Variants in TUBAL3 observed in about 807,000 individuals in gnomAD.
The protein encoded by TUBAL3 is tubulin alpha chain-like 3.
In TUBAL3, 16 loss-of-function variants were observed where a neutral mutation model predicts 15.5. The observed-to-expected ratio is 1.04, with a 90% CI of 0.70 to 1.57. The LOEUF is 1.57. Among genes scored for constraint, TUBAL3 ranks in the 40% most tolerant of loss-of-function variants. The pLI is 0.00. For synonymous variants in TUBAL3, 238 were observed against 224.3 expected (o/e 1.06, Z -0.55); for missense variants, 609 against 576.2 (o/e 1.06, Z -0.58).
rs111864653 is a variant in TUBAL3, at chr10:5,395,463, G to T, written c.260C>A (p.Thr87Lys). The T allele has an allele frequency of 1.3e-6, 2 of 1,537,382 alleles. No individual in the cohort carries two copies. Among genetic ancestry groups the T allele is most frequent in the African/African-American group, 2.8e-5 (2 of 72,262 alleles). The change falls in exon 3 of 4, where the codon ACG becomes AAG. Residue 87 changes from threonine (T) to lysine (K), a missense_variant. Transcript: ENST00000380419. The surrounding 1 kb of genome is among the most constrained non-coding windows in gnomAD (Gnocchi z 4.6). ...GTGGAAGAGTGAACGGTGCTGGCCC[G>T]TCCGGATCCCATCTGCAGAGGGTGA... Reference protein sequence around the residue: ...LEPTVIDGIRTGQHRSLFHPE... With the variant: ...LEPTVIDGIRKGQHRSLFHPE...
chr10:5,400,784 C>G, intron 2 of TUBAL3, 60 bp downstream of exon 2: 3 of 1,601,470 alleles, frequency 1.9e-6, no homozygotes. Context: ...TAATCCCATC[C>G]ACTTGATTTG....
Position 5,394,442 on chromosome 10 carries a change from A to G in TUBAL3, c.416T>C (p.Leu139Pro). Reference protein sequence around the residue: ...TRKLAEQCGGLQGFLIFRSFG... With the variant: ...TRKLAEQCGGPQGFLIFRSFG... ...GCTTCGGAAAATCAAAAATCCCTGA[A>G]GTCCACCACACTGTTCTGCCTGGAG... The change falls in exon 4 of 4, where the codon CTT becomes CCT. Residue 139 changes from leucine to proline, a missense_variant. Transcript: ENST00000380419. The surrounding 1 kb of genome is among the most constrained non-coding windows in gnomAD (Gnocchi z 4.3). The G allele has an allele frequency of 6.2e-7, 1 of 1,610,440 alleles. No individual in the cohort carries two copies. Among genetic ancestry groups the G allele is most frequent in the Non-Finnish European group, 8.5e-7 (1 of 1,178,364 alleles).
Position 5,394,991 on chromosome 10 carries a change from A to G in TUBAL3, c.396+336T>C, listed in dbSNP as rs1229741219. ...CTTGCTAACTTCATAAACATCAGTT[A>G]CTCTTGGAAAATGACAGGTTACTCT... On this transcript the variant is annotated intron_variant, in intron 3 of 3. Coordinates refer to ENST00000380419, the MANE Select transcript of TUBAL3 (RefSeq NM_024803.3). The surrounding 1 kb of genome is among the most constrained non-coding windows in gnomAD (Gnocchi z 4.3). Among the ~76,000 whole-genome samples, 2 of 152,108 alleles carry G rather than the reference A, an allele frequency of 1.3e-5. No homozygotes were observed. Among genetic ancestry groups the G allele is most frequent in the Admixed American group, 1.3e-4 (2 of 15,280 alleles).
rs1831788897 is a variant in TUBAL3 at position 5,397,957 on chromosome 10, C to T, written c.248-2482G>A. 1.3e-5 allele frequency among the ~76,000 whole-genome samples: 2 copies of T among 152,154 alleles called. No homozygotes were observed. The highest frequency in any genetic ancestry group is 4.8e-5 in the African/African-American group (2 of 41,424). ...TGGTTACACTTGCGGGGCATTCCTT[C>T]ATGACTCTGAATTTGCAAATGCTGT... On this transcript the variant is annotated intron_variant, in intron 2 of 3. Transcript: ENST00000380419. This position sits in a 1 kb window ranked among gnomAD's most constrained non-coding sequence, Gnocchi z 4.9.
In TUBAL3 at chr10:5,397,961, ACT is replaced by A. The variant is rs1467929128; in HGVS notation, c.248-2488_248-2487del. Among the ~76,000 whole-genome samples, 5 of 151,772 alleles carry A rather than the reference ACT, an allele frequency of 3.3e-5. No individual in the cohort carries two copies. The highest frequency in any genetic ancestry group is 1.2e-4 in the African/African-American group (5 of 41,344). On this transcript the variant is annotated intron_variant, in intron 2 of 3. Transcript: ENST00000380419. This position sits in a 1 kb window ranked among gnomAD's most constrained non-coding sequence, Gnocchi z 4.9. ...TACACTTGCGGGGCATTCCTTCATG[ACT>A]CTGAATTTGCAAATGCTGTCACCTC...
In TUBAL3 at chr10:5,395,419, C is replaced by G. The variant is rs150216035; in HGVS notation, c.304G>C (p.Gly102Arg). The change falls in exon 3 of 4, where the codon GGA (glycine) becomes CGA (arginine). Residue 102 changes from glycine to arginine, a missense_variant. Coordinates refer to ENST00000380419, the MANE Select transcript of TUBAL3 (RefSeq NM_024803.3). The surrounding 1 kb of genome is among the most constrained non-coding windows in gnomAD (Gnocchi z 4.6). The part of the protein sequence containing the change: ...SLFHPEQLLS[G>R]KEDAANNYAR... ...TAATTGTTAGCAGCATCCTCCTTTC[C>G]GCTAAGGAGCTGCTCGGGGTGGAAG... The G allele has an allele frequency of 6.2e-7, 1 of 1,605,640 alleles. No homozygotes were observed. Among genetic ancestry groups the G allele is most frequent in the African/African-American group, 1.3e-5 (1 of 74,666 alleles).
rs1554814200 is a variant in TUBAL3 at position 5,396,886 on chromosome 10, T to C, written c.248-1411A>G. Among the ~76,000 whole-genome samples the C allele has an allele frequency of 6.6e-6, 1 of 152,224 alleles. No individual in the cohort carries two copies. The highest frequency in any genetic ancestry group is 2.4e-5 in the African/African-American group (1 of 41,454). On this transcript the variant is annotated intron_variant, in intron 2 of 3. Coordinates refer to ENST00000380419, the MANE Select transcript of TUBAL3 (RefSeq NM_024803.3). The surrounding 1 kb of genome is among the most constrained non-coding windows in gnomAD (Gnocchi z 5.1). ...ATTGCTTAGTAGTTAAATGCATGTT[T>C]CAAGAATCAGTTTCCTGGGTTCCTA...
Position 5,393,995 on chromosome 10 carries a change from G to C in TUBAL3, c.863C>G (p.Ala288Gly), listed in dbSNP as rs1554813804. The C allele has an allele frequency of 1.2e-6, 2 of 1,614,182 alleles. No individual in the cohort carries two copies. The highest frequency in any genetic ancestry group is 1.3e-5 in the African/African-American group (1 of 75,028). ...AFAPIVSADK[A>G]YHEQFSVSDI... is the part of the protein sequence containing the mutation. ...TGACACAGAGAACTGCTCATGGTAG[G>C]CTTTGTCAGCAGAGACGATGGGGGC... The change falls in exon 4 of 4, where the codon GCC becomes GGC. Residue 288 changes from alanine to glycine, a missense_variant. Coordinates refer to ENST00000380419, the MANE Select transcript of TUBAL3 (RefSeq NM_024803.3).
In TUBAL3 at chr10:5,395,190, G is replaced by C. The variant is rs781831530; in HGVS notation, c.396+137C>G. On this transcript the variant is annotated intron_variant, in intron 3 of 3. Coordinates refer to ENST00000380419, the MANE Select transcript of TUBAL3 (RefSeq NM_024803.3). This position sits in a 1 kb window ranked among gnomAD's most constrained non-coding sequence, Gnocchi z 4.6. Reference sequence around the variant, plus strand: ...AAGCCAAGATGAGAACCCCTCCCCAGTTCTGAGCACCCAGACCAGAGCCCA... The same window carrying C: ...AAGCCAAGATGAGAACCCCTCCCCACTTCTGAGCACCCAGACCAGAGCCCA... 14 of 953,558 alleles carry C rather than the reference G, an allele frequency of 1.5e-5. No individual in the cohort carries two copies. In the African/African-American group the frequency reaches 2.2e-4, roughly 15 times the overall value. 59.1% of individuals were successfully genotyped at this position (953,558 alleles called of 1,614,324 possible). A position where few individuals can be genotyped will look rare whatever the true frequency, so the allele number is the denominator to read the frequency against.
intron 1 of TUBAL3, among the ~76,000 whole-genome samples, chr10:5,402,028 T>C (rs916753475): frequency 6.6e-6 from 1 of 152,082 alleles, no homozygotes; most frequent in African/African-American, 2.4e-5. Context: ...TGATAACATA[T>C]TAAGTAAAAA....
chr10:5,402,415 G>A (rs1831868814), intron 1 of TUBAL3, among the ~76,000 whole-genome samples: 1 of 152,230 alleles, frequency 6.6e-6, no homozygotes, highest in Non-Finnish European at 1.5e-5. Flanking sequence ...AGAGGGTCTT[G>A]TAGAATGAGA....
Position 5,394,099 on chromosome 10 carries a change from C to T in TUBAL3, c.759G>A (p.Gly253=), listed in dbSNP as rs1554813822. ...SSITASLRFE[G]PLNVDLIEFQ... ...ATTCAATTAGGTCTACATTCAAGGG[C>T]CCTTCAAACCGGAGGGAGGCAGTGA... Residue 253 remains glycine (G), a synonymous_variant, in exon 4 of 4, where the codon GGG becomes GGA. Transcript: ENST00000380419. The surrounding 1 kb of genome is among the most constrained non-coding windows in gnomAD (Gnocchi z 4.3). 3 of 1,614,176 alleles carry T rather than the reference C, an allele frequency of 1.9e-6. No homozygotes were observed. The highest frequency in any genetic ancestry group is 3.3e-5 in the Admixed American group (2 of 60,016).
chr10:5,403,849 G>A (rs186503063), intron 1 of TUBAL3, among the ~76,000 whole-genome samples: 7 of 152,256 alleles, frequency 4.6e-5, no homozygotes, highest in Middle Eastern at 3.4e-3. Context: ...ATTATTAAAC[G>A]CTGCTATAAG....
In TUBAL3 at chr10:5,393,580, C is replaced by T; in HGVS notation, c.1278G>A (p.Leu426=). ...GGGCTGCCAGATCTTCCCTGGCCTC[C>T]AAGAACTCTGCTTCTTCCATGCCTT... is the stretch of plus-strand genomic sequence containing the variant. ...LREGMEEAEF[L]EAREDLAALE... The change falls in exon 4 of 4, where the codon TTG becomes TTA. Residue 426 remains leucine, a synonymous_variant. Coordinates refer to ENST00000380419, the MANE Select transcript of TUBAL3 (RefSeq NM_024803.3). 1 of 1,614,156 alleles carries T rather than the reference C, an allele frequency of 6.2e-7. No homozygotes were observed. Among genetic ancestry groups the T allele is most frequent in the Non-Finnish European group, 8.5e-7 (1 of 1,180,012 alleles).
rs1554814572 is a variant in TUBAL3 at position 5,400,911 on chromosome 10, G to A, written c.180C>T (p.Phe60=). The stretch of plus-strand genomic sequence containing the variant: ...CATGCTTCCCAGCTCTTGTCTCACA[G>A]AAGAAGGTATCGAAAGATGCATTTG... ...EHTNASFDTF[F]CETRAGKHVP... is the part of the protein sequence containing the mutation. The change falls in exon 2 of 4, where the codon TTC becomes TTT. Residue 60 remains phenylalanine (F), a synonymous_variant. Coordinates refer to ENST00000380419, the MANE Select transcript of TUBAL3 (RefSeq NM_024803.3). 1 of 1,614,122 alleles carries A rather than the reference G, an allele frequency of 6.2e-7. No individual in the cohort carries two copies. Among genetic ancestry groups the A allele is most frequent in the African/African-American group, 1.3e-5 (1 of 74,940 alleles).
In TUBAL3 at chr10:5,395,573, A is replaced by C; in HGVS notation, c.248-98T>G. 3 of 1,252,030 alleles carry C rather than the reference A, an allele frequency of 2.4e-6. No homozygotes were observed. The highest frequency in any genetic ancestry group is 3.1e-6 in the Non-Finnish European group (3 of 952,656). The allele number at this position is 1,252,030 out of a possible 1,614,324, so 77.6% of individuals were successfully genotyped here. A position where few individuals can be genotyped will look rare whatever the true frequency, so the allele number is the denominator to read the frequency against. On this transcript the variant is annotated intron_variant, in intron 2 of 3. Coordinates refer to ENST00000380419, the MANE Select transcript of TUBAL3 (RefSeq NM_024803.3). This position sits in a 1 kb window ranked among gnomAD's most constrained non-coding sequence, Gnocchi z 4.6. ...TGGAGCCTCCCCGTACTTGACTCCC[A>C]TGCTTTCTCTCAATATTGTGGTCCA...
At chr10:5,404,639 T>A in intron 1 of TUBAL3, 151 bp downstream of exon 1, 1 of 763,698 alleles carries the variant, frequency 1.3e-6, no homozygotes, top group Non-Finnish European at 2.2e-6. Flanking sequence ...TGCTCCCAAC[T>A]CATCTACTTG....
Position 5,395,459 on chromosome 10 carries a change from G to A in TUBAL3, c.264C>T (p.Gly88=). Residue 88 remains glycine (G), a synonymous_variant, in exon 3 of 4, where the codon GGC becomes GGT. Transcript: ENST00000380419. The surrounding 1 kb of genome is among the most constrained non-coding windows in gnomAD (Gnocchi z 4.6). ...EPTVIDGIRT[G]QHRSLFHPEQ... The stretch of plus-strand genomic sequence containing the variant: ...CGGGGTGGAAGAGTGAACGGTGCTG[G>A]CCCGTCCGGATCCCATCTGCAGAGG... The A allele has an allele frequency of 6.4e-7, 1 of 1,561,458 alleles. No homozygotes were observed. Among genetic ancestry groups the A allele is most frequent in the Non-Finnish European group, 8.7e-7 (1 of 1,147,396 alleles).
At chr10:5,404,667 A>G in intron 1 of TUBAL3, 123 bp downstream of exon 1, 1 of 1,044,004 alleles carries the variant, frequency 9.6e-7, no homozygotes, top group South Asian at 1.4e-5. Flanking sequence ...AAAGAAACAA[A>G]TGTTTCTTTA....
Sources: allele counts gnomAD v4.1 joint callset (sites outside exome capture counted in the v4.1 genomes callset), GRCh38; gene constraint gnomAD v4.1.1; non-coding constraint Gnocchi (gnomAD v3.1); transcripts MANE v1.5; gene names NCBI Gene and HGNC (gene_info 2026-07-23, HGNC 2026-07-21).